The following MBP variants were observed in gnomAD, a reference collection of about 807,000 sequenced individuals.
MBP encodes the protein myelin basic protein.
Under a neutral mutation model 35.8 loss-of-function variants are expected in MBP, and 16 were observed. The observed-to-expected ratio is 0.45, with a 90% confidence interval of 0.30 to 0.68. The LOEUF is 0.68. Ranked by LOEUF, MBP falls within the 30% of genes least tolerant of loss-of-function variation. The pLI is 0.08. For missense variants in MBP, 380 were observed against 404.7 expected (o/e 0.94, Z 0.52); for synonymous variants, 143 against 159.6 (o/e 0.90, Z 0.78).
At chr18:77,091,336 A>G (rs1452652269) in intron 2 of MBP, among the ~76,000 whole-genome samples, 4 of 152,232 alleles carry the variant, frequency 2.6e-5, no homozygotes, top group Admixed American at 2.6e-4. Context: ...AATATTTAAT[A>G]AATTCTTTAG....
At position 76,980,004 on chromosome 18, in the gene MBP, C is replaced by T. The variant is rs746208269; in HGVS notation, c.*423G>A. 1.4e-5 allele frequency: 10 copies of T among 702,584 alleles called. No individual in the cohort carries two copies. The East Asian group carries it at 2.4e-4, about 17-fold the overall frequency. The allele number at this position is 702,584 out of a possible 1,614,324, so 43.5% of individuals were successfully genotyped here. A position where few individuals can be genotyped will look rare whatever the true frequency, so the allele number is the denominator to read the frequency against. Reference sequence around the variant, plus strand: ...GCTTGGATGTCAACAGTCCTCTCTGCCGCCCACGTCCTCTCTGTCTCTGCA... The same window carrying T: ...GCTTGGATGTCAACAGTCCTCTCTGTCGCCCACGTCCTCTCTGTCTCTGCA... On this transcript the variant is annotated 3_prime_UTR_variant, in exon 9 of 9. Coordinates refer to ENST00000355994, the MANE Select transcript of MBP (RefSeq NM_001025101.2).
At chr18:77,116,927 AC>A (rs1976686928) in intron 1 of MBP, among the ~76,000 whole-genome samples, 1 of 152,022 alleles carries the variant, frequency 6.6e-6, no homozygotes, top group African/African-American at 2.4e-5. Flanking sequence ...ACACAGCAGG[AC>A]CTGACACCAA....
At chr18:77,045,289 C>A (rs920667590) in intron 3 of MBP, among the ~76,000 whole-genome samples, 3 of 120,274 alleles carry the variant, frequency 2.5e-5, no homozygotes, top group East Asian at 5.4e-4. Flanking sequence ...GACCTGCTGC[C>A]GGCAGCACCT....
intron 1 of MBP, among the ~76,000 whole-genome samples, chr18:77,128,463 G>T (rs1229867979): frequency 6.6e-6 from 1 of 151,964 alleles, no homozygotes; most frequent in African/African-American, 2.4e-5. Flanking sequence ...TGATGTGTTG[G>T]TGGTCACATG....
intron 4 of MBP, chr18:77,013,658 T>C (rs1971467394): frequency 1.0e-6 from 1 of 985,314 alleles, no homozygotes; most frequent in African/African-American, 1.7e-5. Flanking sequence ...GAGCAGGTTA[T>C]AAATGAAGGT....
At chr18:77,014,028 C>G (rs1971491192) in intron 4 of MBP, 1 of 985,348 alleles carries the variant, frequency 1.0e-6, no homozygotes, top group African/African-American at 1.7e-5. Flanking sequence ...ACCCATTCCT[C>G]ATGTGACCCT....
chr18:77,002,268 G>A (rs1490278697), intron 4 of MBP, among the ~76,000 whole-genome samples: 1 of 152,232 alleles, frequency 6.6e-6, no homozygotes, highest in Non-Finnish European at 1.5e-5. Flanking sequence ...TTGCTACAGA[G>A]ATGCACCCAT....
intron 2 of MBP, among the ~76,000 whole-genome samples, chr18:77,070,734 A>T (rs1974405174): frequency 1.3e-5 from 2 of 151,808 alleles, no homozygotes. Context: ...GGCCCTGGGA[A>T]CTCGAGAGGT....
intron 3 of MBP, among the ~76,000 whole-genome samples, chr18:77,061,679 G>T (rs1973988988): frequency 1.3e-5 from 2 of 152,032 alleles, no homozygotes; most frequent in Non-Finnish European, 2.9e-5. Context: ...ATGTGTTTGT[G>T]GTCTTCCTTC....
chr18:77,088,536 T>C (rs1432219035), intron 2 of MBP, among the ~76,000 whole-genome samples: 3 of 152,192 alleles, frequency 2.0e-5, no homozygotes, highest in Non-Finnish European at 4.4e-5. Context: ...ATTATTCTGG[T>C]ATGATGCATG....
intron 2 of MBP, among the ~76,000 whole-genome samples, chr18:77,068,782 C>T (rs540541172): frequency 1.3e-5 from 2 of 152,074 alleles, no homozygotes; most frequent in East Asian, 1.9e-4. Flanking sequence ...AAATACAGAG[C>T]GAAACAAAAA....
Position 77,044,833 on chromosome 18 carries a change from TAAC to T in MBP, c.139+21462_139+21464del, listed in dbSNP as rs544723387. On this transcript the variant is annotated intron_variant, in intron 3 of 8. Transcript: ENST00000355994. This position sits in a 1 kb window ranked among gnomAD's most constrained non-coding sequence, Gnocchi z 4.4. ...TAGGAAACAGAAATGTCTGTTCTCT[TAAC>T]AACAATTGTGAGGATGACTGTAAGG... Among the ~76,000 whole-genome samples the T allele has an allele frequency of 1.1e-4, 16 of 152,204 alleles. No individual in the cohort carries two copies. The East Asian group carries it at 2.9e-3, about 28-fold the overall frequency.
At chr18:77,113,963 C>T (rs189703155) in intron 1 of MBP, 1 of 152,320 alleles carries the variant, frequency 6.6e-6, no homozygotes. Context: ...CCTAGGCTCC[C>T]GGCAGTTTTC....
At chr18:77,091,856 C>T (rs763903302) in intron 2 of MBP, among the ~76,000 whole-genome samples, 5 of 152,134 alleles carry the variant, frequency 3.3e-5, no homozygotes, top group Non-Finnish European at 7.3e-5. Flanking sequence ...CCCATACATA[C>T]ATGTACACAC....
chr18:77,066,370 T>C lies in MBP; in HGVS notation c.67A>G (p.Arg23Gly), dbSNP rs1408415487. 6.2e-7 allele frequency: 1 copy of C among 1,611,114 alleles called. No homozygotes were observed. Among genetic ancestry groups the C allele is most frequent in the South Asian group, 1.1e-5 (1 of 91,008 alleles). The stretch of plus-strand genomic sequence containing the variant: ...TTTCTCTTTTTTTCAGATTCTCCTC[T>C]GTTAGTTTCACTATTCTGGAAAAAG... ...EKASTNSETN[R>G]GESEKKRNLG... Residue 23 changes from arginine (R) to glycine (G), a missense_variant, in exon 3 of 9, where the codon AGA becomes GGA. Arg to Gly is a moderately radical substitution (Grantham distance 125). Coordinates refer to ENST00000355994, the MANE Select transcript of MBP (RefSeq NM_001025101.2).
At chr18:77,034,018 T>C (rs904056207) in intron 3 of MBP, among the ~76,000 whole-genome samples, 1 of 130,412 alleles carries the variant, frequency 7.7e-6, no homozygotes, top group African/African-American at 3.1e-5. Flanking sequence ...CTATCTATGA[T>C]GAAGTGTCTC....
At chr18:77,010,795 T>C (rs1031630345) in intron 4 of MBP, among the ~76,000 whole-genome samples, 2 of 152,170 alleles carry the variant, frequency 1.3e-5, no homozygotes, top group African/African-American at 2.4e-5. Context: ...TCAATGAACT[T>C]TGAGGGCTGC....
At chr18:77,026,983 C>T (rs1599095752) in intron 3 of MBP, among the ~76,000 whole-genome samples, 1 of 152,076 alleles carries the variant, frequency 6.6e-6, no homozygotes, top group South Asian at 2.1e-4. Context: ...TGAGGGTTTC[C>T]CAACAATAAG....
intron 2 of MBP, among the ~76,000 whole-genome samples, chr18:77,086,320 T>G (rs576060798): frequency 6.6e-6 from 1 of 152,220 alleles, no homozygotes. Context: ...AAAGAGTTCA[T>G]GCATACAAGT....
Sources: allele counts gnomAD v4.1 joint callset (sites outside exome capture counted in the v4.1 genomes callset), GRCh38; gene constraint gnomAD v4.1.1; non-coding constraint Gnocchi (gnomAD v3.1); transcripts MANE v1.5; gene names NCBI Gene and HGNC (gene_info 2026-07-23, HGNC 2026-07-21).